Variants in DENND1A observed in about 807,000 individuals in gnomAD.
The protein encoded by DENND1A is DENN domain-containing protein 1A.
DENND1A carries 51 observed loss-of-function variants against 113.7 expected under a neutral mutation model. The observed-to-expected ratio is 0.45, with a 90% confidence interval of 0.36 to 0.57. The LOEUF (loss-of-function observed/expected upper bound fraction) is 0.57. Among genes scored for constraint, DENND1A ranks in the 20% least tolerant of loss-of-function variants. DENND1A has a pLI of 0.00. For synonymous variants in DENND1A, 565 were observed against 570.8 expected (o/e 0.99, Z 0.14); for missense variants, 1,258 against 1,395.9 (o/e 0.90, Z 1.57).
chr9:123,460,908 G>C (rs1485564776), intron 13 of DENND1A, among the ~76,000 whole-genome samples: 2 of 152,232 alleles, frequency 1.3e-5, no homozygotes, highest in Non-Finnish European at 2.9e-5. Context: ...ACGCAGGCCG[G>C]AATGGTGTCT....
chr9:123,733,301 A>C (rs1352515074), intron 5 of DENND1A, among the ~76,000 whole-genome samples: 1 of 146,436 alleles, frequency 6.8e-6, no homozygotes, highest in Non-Finnish European at 1.5e-5. Flanking sequence ...TTTTTTAAAG[A>C]CAGGATCTGA....
intron 2 of DENND1A, among the ~76,000 whole-genome samples, chr9:123,816,175 AT>A (rs765583185): frequency 1.3e-5 from 2 of 151,454 alleles, no homozygotes; most frequent in African/African-American, 4.9e-5. Flanking sequence ...TAATTTTTGT[AT>A]TTTTTTGTAG....
At chr9:123,673,625 C>A (rs575575651) in intron 6 of DENND1A, among the ~76,000 whole-genome samples, 11 of 152,270 alleles carry the variant, frequency 7.2e-5, no homozygotes, top group Admixed American at 2.6e-4. Flanking sequence ...ATTGCTCATG[C>A]CAGGCCCTTT....
At chr9:123,698,012 A>G (rs1467325118) in intron 5 of DENND1A, among the ~76,000 whole-genome samples, 1 of 152,258 alleles carries the variant, frequency 6.6e-6, no homozygotes, top group Admixed American at 6.5e-5. Flanking sequence ...AGATAGGCAG[A>G]CCTGCAGATA....
At chr9:123,409,921 C>T (rs1487002599) in intron 20 of DENND1A, among the ~76,000 whole-genome samples, 1 of 152,096 alleles carries the variant, frequency 6.6e-6, no homozygotes, top group Non-Finnish European at 1.5e-5. Context: ...GAAACCCCGT[C>T]TCTATTAAAA....
At chr9:123,571,844 G>A (rs115416233) in intron 12 of DENND1A, among the ~76,000 whole-genome samples, 1 of 152,200 alleles carries the variant, frequency 6.6e-6, no homozygotes, top group African/African-American at 2.4e-5. Flanking sequence ...TGTATGGTAG[G>A]CGTAAGTTTA....
At chr9:123,919,922 T>A (rs993293123) in intron 1 of DENND1A, among the ~76,000 whole-genome samples, 1 of 149,728 alleles carries the variant, frequency 6.7e-6, no homozygotes. Context: ...TGACAACATC[T>A]GGGATTTGCT....
In DENND1A at chr9:123,380,336, CGTTGGCCTCAGGAATTTCTGTGCTGG is replaced by C. The variant is rs1193405760; in HGVS notation, c.*1070_*1095del. On this transcript the variant is annotated 3_prime_UTR_variant, in exon 24 of 24. Coordinates refer to ENST00000394215, the MANE Select transcript of DENND1A (RefSeq NM_001352964.2). ...TAAACATTCAATCTAACTTTGGTGA[CGTTGGCCTCAGGAATTTCTGTGCTGG>C]CCTGGAGCTCTGGGCAGGTGGGGAG... The C allele has an allele frequency of 6.6e-6, 1 of 152,578 alleles. No homozygotes were observed. Among genetic ancestry groups the C allele is most frequent in the Non-Finnish European group, 1.5e-5 (1 of 68,040 alleles). The allele number at this position is 152,578 out of a possible 1,614,324, so 9.5% of individuals were successfully genotyped here.
chr9:123,929,949 T>C lies in DENND1A; in HGVS notation c.-44A>G. 3.4e-6 allele frequency: 1 copy of C among 294,580 alleles called. No homozygotes were observed. Among genetic ancestry groups the C allele is most frequent in the Non-Finnish European group, 6.2e-6 (1 of 162,564 alleles). 18.2% of individuals were successfully genotyped at this position (294,580 alleles called of 1,614,324 possible). ...TGGGCCCGCGGGCCCCGCTCGGCGC[T>C]GCGCTGCCCGCCCGCCCGCGGCCGA... On this transcript the variant is annotated 5_prime_UTR_variant, in exon 1 of 24. Transcript: ENST00000394215.
intron 13 of DENND1A, among the ~76,000 whole-genome samples, chr9:123,540,046 G>A (rs1320184763): frequency 6.6e-6 from 1 of 152,186 alleles, no homozygotes; most frequent in Non-Finnish European, 1.5e-5. Context: ...GTGTCAGCAT[G>A]ATGAGGATTA....
In DENND1A at chr9:123,457,712, G is replaced by A. The variant is rs558997127; in HGVS notation, c.1098+81C>T. On this transcript the variant is annotated intron_variant, in intron 14 of 23. Coordinates refer to ENST00000394215, the MANE Select transcript of DENND1A (RefSeq NM_001352964.2). ...GGGCCTGAGTCCCATCCATGCCTGC[G>A]GCCTCAGTACTTAGAGTGGAGACAG... The A allele has an allele frequency of 1.4e-4, 184 of 1,347,172 alleles. No individual in the cohort carries two copies. The South Asian group carries it at 2.2e-3, about 16-fold the overall frequency. 83.5% of individuals were successfully genotyped at this position (1,347,172 alleles called of 1,614,324 possible).
At chr9:123,900,469 A>T (rs1388026631) in intron 1 of DENND1A, among the ~76,000 whole-genome samples, 1 of 152,226 alleles carries the variant, frequency 6.6e-6, no homozygotes, top group Non-Finnish European at 1.5e-5. Flanking sequence ...CAAGTGCGGC[A>T]GGAGGGTAAA....
intron 10 of DENND1A, among the ~76,000 whole-genome samples, chr9:123,625,908 G>A (rs549360194): frequency 7.2e-5 from 11 of 152,220 alleles, no homozygotes; most frequent in African/African-American, 1.9e-4. Context: ...AGGGGGAACC[G>A]TGCGACAGGG....
At chr9:123,540,426 C>T (rs2056198326) in intron 13 of DENND1A, among the ~76,000 whole-genome samples, 1 of 152,078 alleles carries the variant, frequency 6.6e-6, no homozygotes, top group Non-Finnish European at 1.5e-5. Flanking sequence ...TGCCACTGGG[C>T]CTGGTACAGA....
intron 2 of DENND1A, among the ~76,000 whole-genome samples, chr9:123,834,826 T>C (rs1197367487): frequency 2.0e-5 from 3 of 152,236 alleles, no homozygotes; most frequent in Non-Finnish European, 4.4e-5. Context: ...ATTGTTTAAA[T>C]ACTTTGGCAA....
chr9:123,770,047 T>A (rs1564235696), intron 3 of DENND1A, among the ~76,000 whole-genome samples: 1 of 152,348 alleles, frequency 6.6e-6, no homozygotes, highest in East Asian at 1.9e-4. Flanking sequence ...GAAAGCCAAC[T>A]TGAAGATAAT....
At chr9:123,506,312 A>C (rs1377528326) in intron 13 of DENND1A, among the ~76,000 whole-genome samples, 1 of 152,198 alleles carries the variant, frequency 6.6e-6, no homozygotes, top group Non-Finnish European at 1.5e-5. Flanking sequence ...TTGGCCAGGC[A>C]GTGGCTCACG....
At chr9:123,443,723 G>C (rs2047097622) in intron 18 of DENND1A, among the ~76,000 whole-genome samples, 1 of 152,236 alleles carries the variant, frequency 6.6e-6, no homozygotes, top group African/African-American at 2.4e-5. Context: ...AGGGGGTCGA[G>C]GTGGAAGGAT....
At chr9:123,822,241 C>G (rs1260416799) in intron 2 of DENND1A, among the ~76,000 whole-genome samples, 1 of 152,164 alleles carries the variant, frequency 6.6e-6, no homozygotes, top group African/African-American at 2.4e-5. Context: ...ATAATTTGAG[C>G]TATCAGAGAA....
Sources: gnomAD v4.1 joint callset for allele counts (sites outside exome capture counted in the v4.1 genomes callset) on GRCh38, gnomAD v4.1.1 for gene constraint, MANE v1.5 for transcripts, NCBI Gene and HGNC (gene_info 2026-07-23, HGNC 2026-07-21) for gene names.